PAPLN: variants seen among roughly 807,000 people sequenced by gnomAD.
PAPLN encodes papilin.
PAPLN carries 146 observed loss-of-function variants against 159.0 expected under a neutral mutation model. The observed-to-expected ratio is 0.92, with a 90% CI of 0.80 to 1.05. PAPLN has a LOEUF of 1.05. Among genes scored for constraint, PAPLN ranks in the 50% least tolerant of loss-of-function variants. The pLI is 0.00. For synonymous variants in PAPLN, 734 were observed against 702.9 expected, an observed-to-expected ratio of 1.04 and a Z score of -0.70; for missense variants, 1,720 against 1,743.9, an observed-to-expected ratio of 0.99 and a Z score of 0.24.
At position 73,259,499 on chromosome 14, in the gene PAPLN, G is replaced by A. The variant is rs371406519; in HGVS notation, c.1939G>A (p.Gly647Arg). 28 of 1,600,972 alleles carry A rather than the reference G, an allele frequency of 1.7e-5. No homozygotes were observed. The highest frequency in any genetic ancestry group is 6.7e-5 in the African/African-American group (5 of 74,648). ...CCPDGHTASL[G>R]PQWQGCPGAP... ...CCCCGATGGCCACACGGCATCTCTC[G>A]GGCCTCAGTGGCAAGGCTGCCCTGG... Residue 647 changes from glycine to arginine, a missense_variant, in exon 16 of 27, where the codon GGG (glycine) becomes AGG (arginine). Physicochemically the swap from Gly to Arg is moderately radical, Grantham distance 125. Transcript: ENST00000644200.
intron 19 of PAPLN, 176 bp downstream of exon 19, chr14:73,263,003 G>C (rs1374623840): frequency 3.8e-6 from 2 of 529,646 alleles, no homozygotes; most frequent in Non-Finnish European, 6.1e-6. Flanking sequence ...AGAAGCTGGG[G>C]CTTCAGAGAC....
At chr14:73,259,608 T>TGGGC (rs1367145994) in intron 16 of PAPLN, 63 bp downstream of exon 16, 12 of 1,426,408 alleles carry the variant, frequency 8.4e-6, no homozygotes, top group Non-Finnish European at 1.1e-5. Context: ...ACCCCGTGGG[T>TGGGC]GGGCCAACAT....
chr14:73,260,629 G>A (rs1004146753), intron 16 of PAPLN, 80 bp from the exon 17 acceptor site: 60 of 1,345,752 alleles, frequency 4.5e-5, no homozygotes, highest in Non-Finnish European at 5.4e-5. Flanking sequence ...CCACCATGGG[G>A]AGCCTCAGAG....
At chr14:73,270,361 G>A (rs549251452) in intron 26 of PAPLN, among the ~76,000 whole-genome samples, 26 of 152,362 alleles carry the variant, frequency 1.7e-4, no homozygotes, top group Admixed American at 1.6e-3. Flanking sequence ...GGAGCCCCAA[G>A]GGGGTGTTAC....
In PAPLN at chr14:73,255,056, CCT is replaced by C. The variant is rs1885745451; in HGVS notation, c.1627+44_1627+45del. The stretch of plus-strand genomic sequence containing the variant: ...GGGCAGGGAGGAGTCCGGCCTCTGA[CCT>C]CTCTCCCACTCGCTACAAACCCAGC... On this transcript the variant is annotated intron_variant, in intron 14 of 26. Coordinates refer to ENST00000644200, the MANE Select transcript of PAPLN (RefSeq NM_001365906.3). The C allele has an allele frequency of 5.0e-6, 8 of 1,588,570 alleles. No individual in the cohort carries two copies. The African/African-American group carries it at 6.7e-5, about 13-fold the overall frequency.
intron 25 of PAPLN, 136 bp from the exon 26 acceptor site, chr14:73,268,421 T>C: frequency 1.1e-6 from 1 of 882,410 alleles, no homozygotes; most frequent in Non-Finnish European, 1.7e-6. Context: ...ATTCTTGATT[T>C]CTCCCTGTCC....
chr14:73,247,005 T>C (rs958578740), intron 5 of PAPLN: 6 of 152,186 alleles, frequency 3.9e-5, no homozygotes, highest in African/African-American at 1.4e-4. Context: ...TCTCCCCTTA[T>C]GTATGTATAT....
At position 73,259,532 on chromosome 14, in the gene PAPLN, T is replaced by C; in HGVS notation, c.1972T>C (p.Cys658Arg). 6.3e-7 allele frequency: 1 copy of C among 1,579,212 alleles called. No individual in the cohort carries two copies. The highest frequency in any genetic ancestry group is 1.8e-5 in the Admixed American group (1 of 56,376). ...GTGGCAAGGCTGCCCTGGGGCCCCC[T>C]GTCAGCAGAGCAGGTGGGTGCTGGA... ...PQWQGCPGAP[C>R]QQSRYGCCPD... is the part of the protein sequence containing the mutation. Residue 658 changes from cysteine to arginine, a missense_variant, in exon 16 of 27, where the codon TGT becomes CGT. Transcript: ENST00000644200.
chr14:73,236,501 G>A (rs912987342), upstream of PAPLN, among the ~76,000 whole-genome samples: 1 of 152,140 alleles, frequency 6.6e-6, no homozygotes, highest in Non-Finnish European at 1.5e-5. Context: ...CAGGTTGGGC[G>A]AGACCTTGTT....
chr14:73,268,899 G>C (rs370340257), intron 26 of PAPLN, among the ~76,000 whole-genome samples, 176 bp downstream of exon 26: 2 of 152,130 alleles, frequency 1.3e-5, no homozygotes, highest in African/African-American at 4.8e-5. Flanking sequence ...TTTTCCTCCC[G>C]TCTACAGTGG....
Position 73,273,597 on chromosome 14 carries a change from G to A in PAPLN, c.*933G>A, listed in dbSNP as rs2140325519. The A allele has an allele frequency of 6.6e-6, 1 of 152,354 alleles. No homozygotes were observed. The highest frequency in any genetic ancestry group is 1.9e-4 in the East Asian group (1 of 5,182). 9.4% of individuals were successfully genotyped at this position (152,354 alleles called of 1,614,324 possible). On this transcript the variant is annotated 3_prime_UTR_variant, in exon 27 of 27. Transcript: ENST00000644200. ...GAGCCACTGTGCCCAGCCCATCAAT[G>A]TGTTTTAAAGCTAGCTGTCAGGGTT...
At chr14:73,247,085 G>A (rs753340007) in intron 5 of PAPLN, among the ~76,000 whole-genome samples, 7 of 152,132 alleles carry the variant, frequency 4.6e-5, no homozygotes, top group Non-Finnish European at 8.8e-5. Context: ...TATGGGAAGC[G>A]TTCCTCCCGT....
chr14:73,260,119 G>A (rs1316151106), intron 16 of PAPLN, among the ~76,000 whole-genome samples: 4 of 152,202 alleles, frequency 2.6e-5, no homozygotes, highest in African/African-American at 9.6e-5. Flanking sequence ...CACCGGCTAT[G>A]TGCTGGGTGA....
Position 73,272,902 on chromosome 14 carries a change from G to C in PAPLN, c.*238G>C. On this transcript the variant is annotated 3_prime_UTR_variant, in exon 27 of 27. Coordinates refer to ENST00000644200, the MANE Select transcript of PAPLN (RefSeq NM_001365906.3). ...AACCACAGGCTGCTGTTTTCAAGAA[G>C]AGCAATCTGTTTGGATAAGAAAAAC... 1 of 383,122 alleles carries C rather than the reference G, an allele frequency of 2.6e-6. No homozygotes were observed. The highest frequency in any genetic ancestry group is 4.6e-6 in the Non-Finnish European group (1 of 217,900). 23.7% of individuals were successfully genotyped at this position (383,122 alleles called of 1,614,324 possible). A position where few individuals can be genotyped will look rare whatever the true frequency, so the allele number is the denominator to read the frequency against.
intron 18 of PAPLN, among the ~76,000 whole-genome samples, chr14:73,261,658 G>T (rs1014564773): frequency 6.6e-6 from 1 of 152,238 alleles, no homozygotes; most frequent in South Asian, 2.1e-4. Context: ...AATGTGGGTG[G>T]AGTAGCAGGA....
Position 73,272,654 on chromosome 14 carries a change from T to A in PAPLN, c.3827T>A (p.Ile1276Asn). The stretch of plus-strand genomic sequence containing the variant: ...CGTTTCCAGCCTCACGCTCAGCCCA[T>A]CTGGCAGTAGGGATGAAGGCTAGTT... ...CSRFQPHAQPIWQ is the reference protein window; with the variant it reads ...CSRFQPHAQPNWQ The change falls in exon 27 of 27, where the codon ATC becomes AAC. Residue 1276 changes from isoleucine (I) to asparagine (N), a missense_variant. Coordinates refer to ENST00000644200, the MANE Select transcript of PAPLN (RefSeq NM_001365906.3). 6.4e-7 allele frequency: 1 copy of A among 1,574,104 alleles called. No individual in the cohort carries two copies.
chr14:73,264,747 T>C (rs369777918), intron 22 of PAPLN, 21 bp downstream of exon 22: 37 of 1,611,298 alleles, frequency 2.3e-5, no homozygotes, highest in Non-Finnish European at 3.1e-5. Context: ...AGCAATGCCA[T>C]CTTGCCCTCC....
chr14:73,257,273 A>G lies in PAPLN; in HGVS notation c.1628-1706A>G, dbSNP rs577069575. Among the ~76,000 whole-genome samples, 17 of 152,246 alleles carry G rather than the reference A, an allele frequency of 1.1e-4. No homozygotes were observed. In the South Asian group the frequency reaches 1.9e-3, roughly 17 times the overall value. ...AGGTGTGAGCCACTGTGCCTGGCCC[A>G]CTTATTTTATTCTTTATAACTTTCT... is the stretch of plus-strand genomic sequence containing the variant. On this transcript the variant is annotated intron_variant, in intron 14 of 26. Coordinates refer to ENST00000644200, the MANE Select transcript of PAPLN (RefSeq NM_001365906.3).
chr14:73,241,013 C>CG (rs541640505), intron 2 of PAPLN, among the ~76,000 whole-genome samples: 3,749 of 146,194 alleles, frequency 0.026, 107 homozygotes, highest in African/African-American at 0.062. Flanking sequence ...ATGGGGAGGT[C>CG]GGGGGGGGGA....
Sources: allele counts gnomAD v4.1 joint callset (sites outside exome capture counted in the v4.1 genomes callset), GRCh38; gene constraint gnomAD v4.1.1; transcripts MANE v1.5; gene names NCBI Gene and HGNC (gene_info 2026-07-23, HGNC 2026-07-21).